The following WARS1 variants were observed in gnomAD, a reference collection of about 807,000 sequenced individuals.
WARS1 encodes the protein tryptophanyl-tRNA synthetase 1.
Under a neutral mutation model 47.8 loss-of-function variants are expected in WARS1, and 17 were observed. The ratio of observed to expected loss-of-function variants is 0.36; its 90% CI spans 0.24 to 0.53. The LOEUF is 0.53. WARS1 is among the 20% of genes least tolerant of loss of function. The pLI, the probability that WARS1 is intolerant of heterozygous loss-of-function variation, is 0.91. For synonymous variants in WARS1, 208 were observed against 228.1 expected, an observed-to-expected ratio of 0.91 and a Z score of 0.79; for missense variants, 434 against 608.0, an observed-to-expected ratio of 0.71 and a Z score of 3.01.
rs1893587041 is a variant in WARS1 at position 100,334,676 on chromosome 14, C to G, written c.*199G>C. The G allele has an allele frequency of 1.8e-6, 1 of 551,310 alleles. No individual in the cohort carries two copies. The highest frequency in any genetic ancestry group is 2.4e-5 in the South Asian group (1 of 41,392). The allele number at this position is 551,310 out of a possible 1,614,324, so 34.2% of individuals were successfully genotyped here. A position where few individuals can be genotyped will look rare whatever the true frequency, so the allele number is the denominator to read the frequency against. ...AATGTTAGCCAGCACCAATTACCCA[C>G]AATGCTTTGCCCATAAGAGATAGAA... is the stretch of plus-strand genomic sequence containing the variant. On this transcript the variant is annotated 3_prime_UTR_variant, in exon 11 of 11. Transcript: ENST00000392882.
chr14:100,357,319 G>C (rs1370570443), intron 4 of WARS1, among the ~76,000 whole-genome samples: 3 of 152,118 alleles, frequency 2.0e-5, no homozygotes, highest in African/African-American at 4.8e-5. Context: ...AATTGGAAAG[G>C]AGGAAGTAAA....
chr14:100,364,477 G>A (rs1180751307), intron 2 of WARS1, among the ~76,000 whole-genome samples: 4 of 152,212 alleles, frequency 2.6e-5, no homozygotes, highest in African/African-American at 7.2e-5. Flanking sequence ...CACTCCCAAT[G>A]TGGCTCACAC....
Position 100,348,442 on chromosome 14 carries a change from G to C in WARS1, c.726-1596C>G, listed in dbSNP as rs148640866. 3.9e-5 allele frequency among the ~76,000 whole-genome samples: 6 copies of C among 152,284 alleles called. No individual in the cohort carries two copies. In the South Asian group the frequency reaches 1.2e-3, roughly 32 times the overall value. On this transcript the variant is annotated intron_variant, in intron 6 of 10. Transcript: ENST00000392882. ...CAGCCGGCTGAGTTTCAGGCCCTGG[G>C]GGGCACTGGAGAGGGCGGGCGCAGT... is the stretch of plus-strand genomic sequence containing the variant.
In WARS1 at chr14:100,354,504, C is replaced by T. The variant is rs900952698; in HGVS notation, c.485G>A (p.Arg162Gln). 5.6e-6 allele frequency: 9 copies of T among 1,613,942 alleles called. No individual in the cohort carries two copies. The highest frequency in any genetic ancestry group is 1.3e-5 in the African/African-American group (1 of 74,912). ...ATGCATTGCTTCAGAAGAGGGGCCC[C>T]GGCCCGTGTACAGATAAAATGGCTT... ...NKKPFYLYTG[R>Q]GPSSEAMHVG... Residue 162 changes from arginine (R) to glutamine (Q), a missense_variant, in exon 5 of 11, where the codon CGG becomes CAG. Physicochemically the swap from Arg to Gln is conservative, Grantham distance 43 (BLOSUM62 1). Transcript: ENST00000392882.
chr14:100,353,483 C>T (rs1353999698), intron 6 of WARS1, among the ~76,000 whole-genome samples: 4 of 152,082 alleles, frequency 2.6e-5, no homozygotes, highest in Admixed American at 1.3e-4. Context: ...CTCCTGACCT[C>T]GTGACCCGCC....
chr14:100,371,509 T>C (rs1263029934), intron 1 of WARS1, among the ~76,000 whole-genome samples: 2 of 148,292 alleles, frequency 1.3e-5, no homozygotes, highest in Non-Finnish European at 3.0e-5. Context: ...TCCCAGCACT[T>C]TGGGAGGCCA....
chr14:100,364,829 AC>A, intron 2 of WARS1, among the ~76,000 whole-genome samples: 1 of 152,298 alleles, frequency 6.6e-6, no homozygotes, highest in South Asian at 2.1e-4. Context: ...GGCTTACATA[AC>A]CCCACTGGGT....
intron 6 of WARS1, among the ~76,000 whole-genome samples, chr14:100,351,037 T>C (rs1043593428): frequency 6.6e-6 from 1 of 152,076 alleles, no homozygotes; most frequent in African/African-American, 2.4e-5. Flanking sequence ...GAGGTAGCAG[T>C]GACGCTGGAG....
intron 9 of WARS1, among the ~76,000 whole-genome samples, chr14:100,340,995 AC>A (rs1456636337): frequency 6.7e-6 from 1 of 148,980 alleles, no homozygotes; most frequent in East Asian, 2.0e-4. Context: ...GCTCACTGCA[AC>A]CCCTGTCTTC....
At chr14:100,360,306 G>A (rs1380452138) in intron 4 of WARS1, among the ~76,000 whole-genome samples, 1 of 152,138 alleles carries the variant, frequency 6.6e-6, no homozygotes, top group African/African-American at 2.4e-5. Flanking sequence ...AATCTCACCT[G>A]CTATTAATAT....
At chr14:100,370,168 G>A (rs757559328) in intron 1 of WARS1, among the ~76,000 whole-genome samples, 6 of 152,142 alleles carry the variant, frequency 3.9e-5, no homozygotes, top group Non-Finnish European at 8.8e-5. Flanking sequence ...TCCACGTGCT[G>A]CCTTATTTAA....
At chr14:100,346,348 C>A (rs1011138901) in intron 7 of WARS1, among the ~76,000 whole-genome samples, 1 of 152,190 alleles carries the variant, frequency 6.6e-6, no homozygotes, top group Non-Finnish European at 1.5e-5. Context: ...CTCAAAGGCC[C>A]TCTCATGGGC....
chr14:100,349,843 T>C (rs572091640), intron 6 of WARS1, among the ~76,000 whole-genome samples: 12 of 152,242 alleles, frequency 7.9e-5, no homozygotes, highest in Non-Finnish European at 1.2e-4. Flanking sequence ...CTGGCTTTGT[T>C]GAATTTCCAG....
chr14:100,353,878 A>G lies in WARS1; in HGVS notation c.543-9T>C, dbSNP rs1348612596. On this transcript the variant is annotated splice_polypyrimidine_tract_variant and intron_variant, in intron 5 of 10. Coordinates refer to ENST00000392882, the MANE Select transcript of WARS1 (RefSeq NM_004184.4). ...ATACATCCTGGAGCCACCTAAAGAA[A>G]CACAGGGGGAGAAAGCTGACGTCTC... The G allele has an allele frequency of 9.3e-6, 15 of 1,611,416 alleles. No homozygotes were observed. The highest frequency in any genetic ancestry group is 1.3e-5 in the Non-Finnish European group (15 of 1,178,582).
intron 4 of WARS1, among the ~76,000 whole-genome samples, chr14:100,359,180 G>T (rs1401890674): frequency 6.6e-6 from 1 of 152,184 alleles, no homozygotes; most frequent in Non-Finnish European, 1.5e-5. Flanking sequence ...ATGCCCAAGA[G>T]AATTGAAAAC....
intron 9 of WARS1, among the ~76,000 whole-genome samples, chr14:100,341,135 C>T (rs576988371): frequency 2.0e-5 from 3 of 152,156 alleles, no homozygotes; most frequent in East Asian, 1.9e-4. Flanking sequence ...ACGCTGGTCT[C>T]GAACTCCTGA....
intron 3 of WARS1, 101 bp downstream of exon 3, chr14:100,361,607 A>G: frequency 7.8e-7 from 1 of 1,276,286 alleles, no homozygotes; most frequent in Non-Finnish European, 1.1e-6. Flanking sequence ...GCTTCACTGA[A>G]TTTATGATTA....
At chr14:100,346,605 AC>A (rs1374418425) in intron 7 of WARS1, 140 bp downstream of exon 7, 2 of 655,452 alleles carry the variant, frequency 3.1e-6, no homozygotes, top group African/African-American at 3.6e-5. Flanking sequence ...TGACCCACCC[AC>A]GCCTGGGCAT....
At chr14:100,340,340 T>A (rs1002851261) in intron 9 of WARS1, 1 of 152,332 alleles carries the variant, frequency 6.6e-6, no homozygotes, top group Non-Finnish European at 1.5e-5. Context: ...AGTGTGACTC[T>A]GTGTGACAGG....
Sources: allele counts gnomAD v4.1 joint callset (sites outside exome capture counted in the v4.1 genomes callset), GRCh38; gene constraint gnomAD v4.1.1; transcripts MANE v1.5; gene names NCBI Gene and HGNC (gene_info 2026-07-23, HGNC 2026-07-21).